Variants in SRCIN1 observed in about 807,000 individuals in gnomAD.
SRCIN1 encodes P130Cas-associated protein.
In SRCIN1, 50 loss-of-function variants were observed where a neutral mutation model predicts 116.2. That is an observed-to-expected ratio of 0.43 (90% CI 0.34 to 0.54). The LOEUF (loss-of-function observed/expected upper bound fraction) is 0.54. Ranked by LOEUF, SRCIN1 falls within the 20% of genes least tolerant of loss-of-function variation. The pLI, the probability that SRCIN1 is intolerant of heterozygous loss-of-function variation, is 0.02. For missense variants in SRCIN1, 1,446 were observed against 1,672.0 expected (o/e 0.86, Z 2.36); for synonymous variants, 736 against 750.0 (o/e 0.98, Z 0.30).
rs978991901 is a variant in SRCIN1, at chr17:38,568,944, AG to A, written c.325-714del. ...GGATGGATGGGGCAGGGGTCGGAGG[AG>A]GGGGGCTGGGGCCCAAGGCCAAGAG... On this transcript the variant is annotated intron_variant, in intron 2 of 18. Transcript: ENST00000617146. This position sits in a 1 kb window ranked among gnomAD's most constrained non-coding sequence, Gnocchi z 4.5. Among the ~76,000 whole-genome samples the A allele has an allele frequency of 1.0e-3, 93 of 91,126 alleles. No homozygotes were observed. The highest frequency in any genetic ancestry group is 3.9e-3 in the African/African-American group (89 of 22,954). 59.8% of individuals were successfully genotyped at this position (91,126 alleles called of 152,430 possible).
At position 38,568,736 on chromosome 17, in the gene SRCIN1, C is replaced by T. The variant is rs1436503943; in HGVS notation, c.325-505G>A. Among the ~76,000 whole-genome samples the T allele has an allele frequency of 6.6e-6, 1 of 152,028 alleles. No individual in the cohort carries two copies. The highest frequency in any genetic ancestry group is 1.5e-5 in the Non-Finnish European group (1 of 68,030). On this transcript the variant is annotated intron_variant, in intron 2 of 18. Transcript: ENST00000617146. This position sits in a 1 kb window ranked among gnomAD's most constrained non-coding sequence, Gnocchi z 4.5. ...CTAGTCCACATTGGCTGGGGCGCAG[C>T]TGGGAAAGTAGCAGATTAGGCTGCA... is the stretch of plus-strand genomic sequence containing the variant.
At chr17:38,586,116 T>C (rs1228056235) in intron 1 of SRCIN1, among the ~76,000 whole-genome samples, 1 of 152,144 alleles carries the variant, frequency 6.6e-6, no homozygotes, top group African/African-American at 2.4e-5. Flanking sequence ...GTTGAAGGCA[T>C]GGAGGAGATG....
intron 18 of SRCIN1, among the ~76,000 whole-genome samples, chr17:38,540,058 G>C (rs1219771808): frequency 6.8e-6 from 1 of 147,378 alleles, no homozygotes; most frequent in African/African-American, 2.5e-5. Context: ...CTTCATTTCA[G>C]CCATCTGAGA....
chr17:38,561,536 G>A lies in SRCIN1; in HGVS notation c.1627C>T (p.Leu543Phe). Reference protein sequence around the residue: ...ASTAGAPPSELFPGPGERSLV... With the variant: ...ASTAGAPPSEFFPGPGERSLV... ...GAGCGTTCCCCAGGCCCAGGGAAGAGCTCCGAAGGGGGAGCTCCGGCCGTC... is the reference window on the plus strand; with the variant it reads ...GAGCGTTCCCCAGGCCCAGGGAAGAACTCCGAAGGGGGAGCTCCGGCCGTC... The change falls in exon 7 of 19, where the codon CTC (leucine) becomes TTC (phenylalanine). Residue 543 changes from leucine to phenylalanine, a missense_variant. Physicochemically the swap from Leu to Phe is conservative, Grantham distance 22. This residue lies in a region of SRCIN1 where 398 missense variants were observed against 385.6 expected (regional missense o/e 1.03). Transcript: ENST00000617146. The A allele has an allele frequency of 6.2e-7, 1 of 1,600,392 alleles. No individual in the cohort carries two copies. The highest frequency in any genetic ancestry group is 1.7e-4 in the Middle Eastern group (1 of 6,030).
intron 3 of SRCIN1, among the ~76,000 whole-genome samples, chr17:38,566,721 G>A (rs756902993): frequency 1.1e-4 from 16 of 152,196 alleles, no homozygotes; most frequent in Non-Finnish European, 1.6e-4. Context: ...TTCCTAAGGC[G>A]ATTCTGATTT....
intron 18 of SRCIN1, among the ~76,000 whole-genome samples, chr17:38,534,237 T>G (rs1179460787): frequency 6.6e-6 from 1 of 152,158 alleles, no homozygotes; most frequent in Non-Finnish European, 1.5e-5. Context: ...GTCTCCAAAG[T>G]GCGGTTTGAG....
Position 38,561,904 on chromosome 17 carries a change from T to C in SRCIN1, c.1259A>G (p.Tyr420Cys). The C allele has an allele frequency of 6.9e-7, 1 of 1,441,664 alleles. No homozygotes were observed. The highest frequency in any genetic ancestry group is 9.0e-7 in the Non-Finnish European group (1 of 1,112,996). 89.3% of individuals were successfully genotyped at this position (1,441,664 alleles called of 1,614,324 possible). A position where few individuals can be genotyped will look rare whatever the true frequency, so the allele number is the denominator to read the frequency against. The change falls in exon 7 of 19, where the codon TAC (tyrosine) becomes TGC (cysteine). Residue 420 changes from tyrosine (Y) to cysteine (C), a missense_variant. Coordinates refer to ENST00000617146, the MANE Select transcript of SRCIN1 (RefSeq NM_025248.3). ...CTTGTAGAGGCCGCCGGCGCCCGGG[T>C]AGGCGAACGGGTCGCCGGCGGCCGC... ...LAAAAGDPFA[Y>C]PGAGGLYKRG... is the part of the protein sequence containing the mutation.
chr17:38,561,767 A>C lies in SRCIN1; in HGVS notation c.1396T>G (p.Tyr466Asp). The C allele has an allele frequency of 1.3e-6, 2 of 1,508,506 alleles. No homozygotes were observed. The highest frequency in any genetic ancestry group is 1.8e-6 in the Non-Finnish European group (2 of 1,134,746). The allele number at this position is 1,508,506 out of a possible 1,614,324, so 93.4% of individuals were successfully genotyped here. The change falls in exon 7 of 19, where the codon TAC becomes GAC. Residue 466 changes from tyrosine (Y) to aspartate (D), a missense_variant. Physicochemically the swap from Tyr to Asp is radical, Grantham distance 160 (BLOSUM62 -3). Around this residue, in one of 5 missense-constraint regions of SRCIN1, gnomAD observed 398 missense variants for 385.6 expected, o/e 1.03. Coordinates refer to ENST00000617146, the MANE Select transcript of SRCIN1 (RefSeq NM_025248.3). Reference protein sequence around the residue: ...GGGGPLYGDGYGFRLPPSSPQ... With the variant: ...GGGGPLYGDGDGFRLPPSSPQ... ...GACGAAGGCGGCAGGCGGAAGCCGTAGCCGTCGCCGTACAGCGGGCCGCCG... is the reference window on the plus strand; with the variant it reads ...GACGAAGGCGGCAGGCGGAAGCCGTCGCCGTCGCCGTACAGCGGGCCGCCG...
chr17:38,543,775 G>A, intron 18 of SRCIN1, 48 bp downstream of exon 18: 2 of 1,584,498 alleles, frequency 1.3e-6, no homozygotes, highest in South Asian at 1.1e-5. Flanking sequence ...CAGGGGCCCG[G>A]CATGCAGCAG....
At position 38,559,831 on chromosome 17, in the gene SRCIN1, G is replaced by C. The variant is rs538574689; in HGVS notation, c.1838-59C>G. 6 of 1,458,308 alleles carry C rather than the reference G, an allele frequency of 4.1e-6. No homozygotes were observed. In the African/African-American group the frequency reaches 7.1e-5, roughly 17 times the overall value. The allele number at this position is 1,458,308 out of a possible 1,614,324, so 90.3% of individuals were successfully genotyped here. On this transcript the variant is annotated intron_variant, in intron 9 of 18. Transcript: ENST00000617146. Reference sequence around the variant, plus strand: ...CAAACTGTGAGCCTGGGAAGGACTGGGCTGGGACAAAGTCCTCCCTACTCT... The same window carrying C: ...CAAACTGTGAGCCTGGGAAGGACTGCGCTGGGACAAAGTCCTCCCTACTCT...
intron 7 of SRCIN1, 118 bp downstream of exon 7, chr17:38,561,345 C>G (rs775858938): frequency 1.4e-5 from 18 of 1,261,632 alleles, no homozygotes; most frequent in Non-Finnish European, 1.9e-5. Flanking sequence ...TACTCAAGGT[C>G]TCCAAAGGAC....
chr17:38,535,883 C>T (rs2040993463), intron 18 of SRCIN1, among the ~76,000 whole-genome samples: 1 of 152,236 alleles, frequency 6.6e-6, no homozygotes, highest in Non-Finnish European at 1.5e-5. Flanking sequence ...CCTTTTCCCT[C>T]TGAACTGATC....
At chr17:38,553,773 G>A (rs1400020421) in intron 11 of SRCIN1, among the ~76,000 whole-genome samples, 1 of 152,186 alleles carries the variant, frequency 6.6e-6, no homozygotes, top group East Asian at 1.9e-4. Flanking sequence ...GCCAAGAAGG[G>A]CAGGAAGGTG....
intron 1 of SRCIN1, among the ~76,000 whole-genome samples, chr17:38,582,106 C>A (rs1229514255): frequency 6.6e-6 from 1 of 152,198 alleles, no homozygotes; most frequent in African/African-American, 2.4e-5. Flanking sequence ...TGCCAGAGAT[C>A]CAGGCTCCTC....
At chr17:38,583,957 C>T (rs918692712) in intron 1 of SRCIN1, among the ~76,000 whole-genome samples, 2 of 151,936 alleles carry the variant, frequency 1.3e-5, no homozygotes, top group South Asian at 2.1e-4. Flanking sequence ...AGCAAGTCCT[C>T]GGAGTGGCCC....
upstream of SRCIN1, chr17:38,606,037 AGGGCCGCCC>A (rs1466814662): frequency 8.8e-6 from 1 of 113,212 alleles, no homozygotes; most frequent in Non-Finnish European, 1.8e-5. The surrounding 1 kb of genome is among the most constrained non-coding windows in gnomAD (Gnocchi z 5.2). Context: ...GAACTTACAA[AGGGCCGCCC>A]GGGGCGGCGG....
chr17:38,541,951 A>G (rs1300209183), intron 18 of SRCIN1: 1 of 152,534 alleles, frequency 6.6e-6, no homozygotes, highest in Non-Finnish European at 1.5e-5. Flanking sequence ...CTCCGTCTCA[A>G]AAAATAGAGG....
In SRCIN1 at chr17:38,572,295, A is replaced by T. The variant is rs1158741936; in HGVS notation, c.325-4064T>A. 1.5e-5 allele frequency among the ~76,000 whole-genome samples: 2 copies of T among 136,908 alleles called. No individual in the cohort carries two copies. The highest frequency in any genetic ancestry group is 1.5e-5 in the Non-Finnish European group (1 of 65,656). 89.8% of individuals were successfully genotyped at this position (136,908 alleles called of 152,430 possible). ...CCTGCCCCCACCGCGATGTACATGC[A>T]TGACCCTCTCTTCCAGATGTGTGGA... On this transcript the variant is annotated intron_variant, in intron 2 of 18. Transcript: ENST00000617146. The surrounding 1 kb of genome is among the most constrained non-coding windows in gnomAD (Gnocchi z 4.3).
chr17:38,558,224 C>T lies in SRCIN1; in HGVS notation c.2201+3G>A, dbSNP rs1905932391. ...CCTCCCTCCGCCGCGGGCCCAGCCTCACTTGAGCTGCTGGGTAATAAGCTC... is the reference window on the plus strand; with the variant it reads ...CCTCCCTCCGCCGCGGGCCCAGCCTTACTTGAGCTGCTGGGTAATAAGCTC... On this transcript the variant is annotated splice_donor_region_variant and intron_variant, in intron 11 of 18. Coordinates refer to ENST00000617146, the MANE Select transcript of SRCIN1 (RefSeq NM_025248.3). This position sits in a 1 kb window ranked among gnomAD's most constrained non-coding sequence, Gnocchi z 4.6. 1 of 1,611,700 alleles carries T rather than the reference C, an allele frequency of 6.2e-7. No homozygotes were observed.
Sources: gnomAD v4.1 joint callset for allele counts (sites outside exome capture counted in the v4.1 genomes callset) on GRCh38, gnomAD v4.1.1 for gene constraint, gnomAD v4.1.1 regional missense constraint, Gnocchi (gnomAD v3.1) non-coding constraint, MANE v1.5 for transcripts, NCBI Gene and HGNC (gene_info 2026-07-23, HGNC 2026-07-21) for gene names.